Variants in CNTN6 observed in about 807,000 individuals in gnomAD.
CNTN6 encodes contactin 6, also known as contactin-6.
A neutral mutation model predicts 122.8 loss-of-function variants in CNTN6; 137 were observed. That is an observed-to-expected ratio of 1.12 (90% CI 0.97 to 1.29). The LOEUF (loss-of-function observed/expected upper bound fraction) is 1.29, where lower values mean the gene tolerates loss of function less well. CNTN6 is among the 50% of genes most tolerant of loss of function. The probability of loss-of-function intolerance (pLI) is 0.00; values close to 1 mark genes in which losing one functional copy is unlikely to be tolerated. For synonymous variants in CNTN6, 570 were observed against 426.0 expected, an observed-to-expected ratio of 1.34 and a Z score of -4.16; for missense variants, 1,634 against 1,223.4, an observed-to-expected ratio of 1.34 and a Z score of -5.01.
intron 6 of CNTN6, among the ~76,000 whole-genome samples, chr3:1,296,729 T>C (rs1438930862): frequency 6.6e-6 from 1 of 152,210 alleles, no homozygotes; most frequent in Non-Finnish European, 1.5e-5. Flanking sequence ...AGGTCTTCAC[T>C]AAGATTTCAG....
chr3:1,329,996 T>A, intron 11 of CNTN6, 61 bp downstream of exon 11: 1 of 1,273,090 alleles, frequency 7.9e-7, no homozygotes, highest in South Asian at 1.9e-5. Context: ...TCCAAATTTT[T>A]AGGTTTTAGT....
At chr3:1,258,430 T>A (rs9833205) in intron 4 of CNTN6, among the ~76,000 whole-genome samples, 14,379 of 152,150 alleles carry the variant, frequency 0.095, 709 homozygotes, top group Middle Eastern at 0.14. Flanking sequence ...GAACAGAAAC[T>A]AATGGAATCA....
At chr3:1,308,621 T>A (rs1054139192) in intron 7 of CNTN6, among the ~76,000 whole-genome samples, 5 of 151,878 alleles carry the variant, frequency 3.3e-5, no homozygotes, top group African/African-American at 4.8e-5. Context: ...ATTAAACATA[T>A]GATCTTGTTG....
chr3:1,340,419 A>G (rs1407145934), intron 11 of CNTN6, among the ~76,000 whole-genome samples: 1 of 152,190 alleles, frequency 6.6e-6, no homozygotes, highest in Admixed American at 6.5e-5. Context: ...CATCAATACA[A>G]AAATATCAGT....
At chr3:1,112,495 G>C (rs2091526817) in intron 1 of CNTN6, among the ~76,000 whole-genome samples, 1 of 152,062 alleles carries the variant, frequency 6.6e-6, no homozygotes, top group South Asian at 2.1e-4. Flanking sequence ...CCAAAAGCTG[G>C]AGTTTCAATG....
chr3:1,348,817 G>T (rs1232793934), intron 11 of CNTN6, among the ~76,000 whole-genome samples: 1 of 151,774 alleles, frequency 6.6e-6, no homozygotes, highest in Non-Finnish European at 1.5e-5. Flanking sequence ...TAAAATAGGG[G>T]TGCAAACAAT....
At chr3:1,208,494 A>G (rs2093988223) in intron 2 of CNTN6, among the ~76,000 whole-genome samples, 1 of 152,056 alleles carries the variant, frequency 6.6e-6, no homozygotes, top group African/African-American at 2.4e-5. Flanking sequence ...AGGTAGAATT[A>G]ATTGCTTCCT....
At chr3:1,288,984 A>G (rs997715083) in intron 5 of CNTN6, among the ~76,000 whole-genome samples, 1 of 152,210 alleles carries the variant, frequency 6.6e-6, no homozygotes. Context: ...GGAAGGACCA[A>G]TTATCATTCA....
At chr3:1,155,128 T>A (rs1192680071) in intron 2 of CNTN6, among the ~76,000 whole-genome samples, 3 of 152,156 alleles carry the variant, frequency 2.0e-5, no homozygotes, top group African/African-American at 4.8e-5. Flanking sequence ...CTTGTCAACC[T>A]TTTTTACTGT....
intron 2 of CNTN6, among the ~76,000 whole-genome samples, chr3:1,177,708 C>T (rs58753089): frequency 0.097 from 14,682 of 151,998 alleles, 1,141 homozygotes; most frequent in African/African-American, 0.22. Flanking sequence ...AAAGACATCA[C>T]TATGTTTTCT....
At chr3:1,119,468 G>T (rs2091869746) in intron 1 of CNTN6, among the ~76,000 whole-genome samples, 1 of 151,622 alleles carries the variant, frequency 6.6e-6, no homozygotes. Flanking sequence ...CCTGAGAACT[G>T]GTTAAACTGA....
intron 4 of CNTN6, among the ~76,000 whole-genome samples, chr3:1,271,019 A>AG (rs1288115223): frequency 6.6e-6 from 1 of 152,114 alleles, no homozygotes; most frequent in Non-Finnish European, 1.5e-5. Flanking sequence ...CTGGGACCAC[A>AG]GGTACATGCC....
intron 1 of CNTN6, among the ~76,000 whole-genome samples, chr3:1,093,802 G>T (rs2090369828): frequency 6.6e-6 from 1 of 152,158 alleles, no homozygotes; most frequent in East Asian, 1.9e-4. Context: ...AGAAGTTGAT[G>T]ACTTGGGAAC....
At chr3:1,353,808 G>A (rs899938797) in intron 12 of CNTN6, among the ~76,000 whole-genome samples, 48 of 151,354 alleles carry the variant, frequency 3.2e-4, no homozygotes, top group African/African-American at 1.1e-3. Context: ...GGATAAAAAG[G>A]CATTTTGCAG....
intron 4 of CNTN6, among the ~76,000 whole-genome samples, chr3:1,263,375 C>G (rs1167436421): frequency 6.6e-6 from 1 of 152,124 alleles, no homozygotes; most frequent in African/African-American, 2.4e-5. Flanking sequence ...GGGCCCCAGT[C>G]TCTTATAACC....
intron 1 of CNTN6, among the ~76,000 whole-genome samples, chr3:1,131,882 T>G (rs1164203725): frequency 6.6e-6 from 1 of 152,040 alleles, no homozygotes; most frequent in Non-Finnish European, 1.5e-5. Context: ...TAGCCGTATA[T>G]CATTGGCATT....
chr3:1,121,975 A>G (rs1448521623), intron 1 of CNTN6, among the ~76,000 whole-genome samples: 2 of 151,958 alleles, frequency 1.3e-5, no homozygotes, highest in African/African-American at 2.4e-5. Flanking sequence ...CAGCTATTTC[A>G]CTTTGGGCAG....
chr3:1,400,023 G>A (rs182493063), intron 20 of CNTN6, among the ~76,000 whole-genome samples: 2 of 152,062 alleles, frequency 1.3e-5, no homozygotes, highest in Non-Finnish European at 1.5e-5. Context: ...TAATATATTT[G>A]AGACACCTGG....
At chr3:1,316,849 C>T (rs1037092993) in intron 7 of CNTN6, among the ~76,000 whole-genome samples, 18 of 151,812 alleles carry the variant, frequency 1.2e-4, no homozygotes, top group Admixed American at 2.0e-4. Flanking sequence ...ACCCACTGTC[C>T]ATTTAGGATG....
Sources: gnomAD v4.1 joint callset for allele counts (sites outside exome capture counted in the v4.1 genomes callset) on GRCh38, gnomAD v4.1.1 for gene constraint, MANE v1.5 for transcripts, NCBI Gene and HGNC (gene_info 2026-07-23, HGNC 2026-07-21) for gene names.